Variants in FMN2 observed in about 807,000 individuals in gnomAD.
FMN2 encodes formin 2.
A neutral mutation model predicts 142.3 loss-of-function variants in FMN2; 51 were observed. The observed-to-expected ratio is 0.36, with a 90% CI of 0.29 to 0.45. FMN2 has a LOEUF of 0.45. FMN2 is among the 20% of genes least tolerant of loss of function. FMN2 has a pLI of 1.00. For synonymous variants in FMN2, 882 were observed against 869.8 expected (o/e 1.01, Z -0.25); for missense variants, 1,936 against 2,122.8 (o/e 0.91, Z 1.73).
At chr1:240,435,915 T>G (rs1447686672) in intron 15 of FMN2, among the ~76,000 whole-genome samples, 2 of 152,286 alleles carry the variant, frequency 1.3e-5, no homozygotes, top group Admixed American at 6.5e-5. Flanking sequence ...ACCAGAGCAA[T>G]GATGAAAATG....
chr1:240,206,733 A>G (rs1334686134), intron 4 of FMN2, 66 bp from the exon 5 acceptor site: 13 of 1,525,130 alleles, frequency 8.5e-6, no homozygotes, highest in Non-Finnish European at 1.1e-5. Context: ...AATTTTGCTT[A>G]ATTTTTTGCT....
intron 14 of FMN2, among the ~76,000 whole-genome samples, chr1:240,391,069 A>G (rs997366049): frequency 6.6e-6 from 1 of 152,102 alleles, no homozygotes; most frequent in Admixed American, 6.5e-5. Context: ...TTTGTATAAA[A>G]CAATATGTTC....
intron 4 of FMN2, among the ~76,000 whole-genome samples, chr1:240,197,041 G>T (rs544295533): frequency 1.0e-3 from 156 of 152,220 alleles, no homozygotes; most frequent in African/African-American, 9.6e-4. Context: ...TTGTTGTCTG[G>T]TAACTTCAGG....
At chr1:240,238,833 G>A (rs1359100664) in intron 6 of FMN2, among the ~76,000 whole-genome samples, 2 of 152,096 alleles carry the variant, frequency 1.3e-5, no homozygotes, top group Non-Finnish European at 2.9e-5. Context: ...ATGAAAAATA[G>A]CAATCTGTTA....
At chr1:240,191,111 A>G (rs1047689703) in intron 4 of FMN2, among the ~76,000 whole-genome samples, 1 of 152,184 alleles carries the variant, frequency 6.6e-6, no homozygotes, top group Admixed American at 6.5e-5. Context: ...TGAGATCCCC[A>G]GGACTGCTTA....
chr1:240,411,684 A>G (rs903764880), intron 15 of FMN2, among the ~76,000 whole-genome samples: 2 of 150,814 alleles, frequency 1.3e-5, no homozygotes, highest in African/African-American at 4.9e-5. Flanking sequence ...GCGTGAAAAC[A>G]TAGAACTTAG....
At chr1:240,129,495 C>T (rs183420895) in intron 2 of FMN2, among the ~76,000 whole-genome samples, 16 of 147,066 alleles carry the variant, frequency 1.1e-4, no homozygotes, top group African/African-American at 3.5e-4. Context: ...ATGTTAATGC[C>T]TGCTGATGCC....
chr1:240,234,029 G>A (rs1198395665), intron 6 of FMN2, among the ~76,000 whole-genome samples: 1 of 152,126 alleles, frequency 6.6e-6, no homozygotes, highest in Non-Finnish European at 1.5e-5. Context: ...AATTTTTGCA[G>A]GGCATGAATT....
chr1:240,239,262 G>C (rs986859640), intron 6 of FMN2, among the ~76,000 whole-genome samples: 1 of 152,124 alleles, frequency 6.6e-6, no homozygotes, highest in African/African-American at 2.4e-5. Context: ...GGCTATTGTT[G>C]GACGAGGATG....
At chr1:240,401,285 A>G (rs1481332164) in intron 15 of FMN2, among the ~76,000 whole-genome samples, 1 of 152,078 alleles carries the variant, frequency 6.6e-6, no homozygotes, top group African/African-American at 2.4e-5. Flanking sequence ...TTCTCCTTTT[A>G]TTTTTATTAT....
chr1:240,327,261 A>G (rs1197315263), intron 8 of FMN2, among the ~76,000 whole-genome samples: 3 of 152,214 alleles, frequency 2.0e-5, no homozygotes, highest in Non-Finnish European at 2.9e-5. Context: ...TGAAACTGTC[A>G]GAGGATCAGC....
At chr1:240,323,965 A>T (rs980894437) in intron 8 of FMN2, among the ~76,000 whole-genome samples, 1 of 152,148 alleles carries the variant, frequency 6.6e-6, no homozygotes, top group Admixed American at 6.5e-5. Flanking sequence ...CCTCACTGTC[A>T]TGCTACCATT....
chr1:240,339,511 G>T (rs1006454381), intron 13 of FMN2, among the ~76,000 whole-genome samples: 2 of 151,406 alleles, frequency 1.3e-5, no homozygotes, highest in Non-Finnish European at 2.9e-5. Flanking sequence ...ACTGTTTTAT[G>T]ATTTTTAAAA....
chr1:240,169,149 T>C (rs1170885241), intron 2 of FMN2, among the ~76,000 whole-genome samples: 1 of 152,204 alleles, frequency 6.6e-6, no homozygotes, highest in African/African-American at 2.4e-5. Context: ...ATGCAGAGAC[T>C]CCATCTCCGT....
intron 3 of FMN2, among the ~76,000 whole-genome samples, chr1:240,181,325 G>A (rs72764351): frequency 0.081 from 12,279 of 152,090 alleles, 554 homozygotes; most frequent in African/African-American, 0.12. Flanking sequence ...TCTTAAAATT[G>A]GTTACCCAAT....
intron 16 of FMN2, among the ~76,000 whole-genome samples, chr1:240,447,410 A>G (rs1322200438): frequency 6.6e-6 from 1 of 152,198 alleles, no homozygotes; most frequent in African/African-American, 2.4e-5. Context: ...TAAAAAATGT[A>G]AGTAGAATGG....
At chr1:240,290,795 T>G (rs1669757364) in intron 7 of FMN2, among the ~76,000 whole-genome samples, 1 of 140,390 alleles carries the variant, frequency 7.1e-6, no homozygotes, top group Non-Finnish European at 1.5e-5. Context: ...TTTTTTTTGT[T>G]TTTTTTTTTT....
intron 8 of FMN2, among the ~76,000 whole-genome samples, chr1:240,309,493 C>A (rs1411399329): frequency 6.6e-6 from 1 of 152,124 alleles, no homozygotes; most frequent in Admixed American, 6.5e-5. Context: ...TGCGTGGTGT[C>A]TGCATTGGAG....
At chr1:240,214,168 A>G (rs1666797189) in intron 6 of FMN2, among the ~76,000 whole-genome samples, 1 of 152,210 alleles carries the variant, frequency 6.6e-6, no homozygotes, top group South Asian at 2.1e-4. Context: ...AGTTTGACAT[A>G]GTTTTTCATA....
Sources: gnomAD v4.1 joint callset for allele counts (sites outside exome capture counted in the v4.1 genomes callset) on GRCh38, gnomAD v4.1.1 for gene constraint, MANE v1.5 for transcripts, NCBI Gene and HGNC (gene_info 2026-07-23, HGNC 2026-07-21) for gene names.